The following KCNQ1 variants were observed in gnomAD, a reference collection of about 807,000 sequenced individuals.
KCNQ1 encodes the protein potassium voltage-gated channel subfamily Q member 1.
A neutral mutation model predicts 72.4 loss-of-function variants in KCNQ1; 49 were observed. The observed-to-expected ratio is 0.68, with a 90% CI of 0.54 to 0.86. The LOEUF is 0.86. Among genes scored for constraint, KCNQ1 ranks in the 40% least tolerant of loss-of-function variants. KCNQ1 has a pLI of 0.00. For synonymous variants in KCNQ1, 450 were observed against 412.6 expected (o/e 1.09, Z -1.10); for missense variants, 790 against 945.1 (o/e 0.84, Z 2.15).
At chr11:2,638,895 T>G (rs1220375265) in intron 10 of KCNQ1, 2 of 152,206 alleles carry the variant, frequency 1.3e-5, no homozygotes, top group Non-Finnish European at 2.9e-5. Flanking sequence ...CCATATTTCT[T>G]GGAGGCTTTG....
At chr11:2,529,106 A>T (rs78129309) in intron 2 of KCNQ1, among the ~76,000 whole-genome samples, 2,620 of 152,178 alleles carry the variant, frequency 0.017, 81 homozygotes, top group African/African-American at 0.06. Flanking sequence ...TCCCAGCACT[A>T]TGTTTTCCAC....
At chr11:2,802,287 G>C (rs1233535357) in intron 15 of KCNQ1, among the ~76,000 whole-genome samples, 1 of 152,216 alleles carries the variant, frequency 6.6e-6, no homozygotes, top group Non-Finnish European at 1.5e-5. Context: ...GCAGGACAGG[G>C]GTTTAGCCCT....
chr11:2,464,643 G>A lies in KCNQ1; in HGVS notation c.386+19159G>A, dbSNP rs775473984. 1.6e-4 allele frequency among the ~76,000 whole-genome samples: 25 copies of A among 152,098 alleles called. No individual in the cohort carries two copies. Among genetic ancestry groups the A allele is most frequent in the African/African-American group, 7.2e-5 (3 of 41,420 alleles). On this transcript the variant is annotated intron_variant, in intron 1 of 15. Transcript: ENST00000155840. This position sits in a 1 kb window ranked among gnomAD's most constrained non-coding sequence, Gnocchi z 5.0. ...CCTGGGGGACAGGAGTTGGGGGGGT[G>A]GGCAGTGCCTCTGTGTGGCAGATTC...
intron 10 of KCNQ1, chr11:2,640,681 T>C (rs928744204): frequency 2.5e-6 from 1 of 398,420 alleles, no homozygotes; most frequent in Non-Finnish European, 4.4e-6. Flanking sequence ...ATCATCTCTA[T>C]AGTTAGGAAC....
intron 11 of KCNQ1, chr11:2,699,127 C>A: frequency 2.5e-6 from 1 of 398,656 alleles, no homozygotes; most frequent in Non-Finnish European, 4.4e-6. Context: ...GATGCGGATT[C>A]CAGACTCCAA....
chr11:2,733,814 A>ACACACACACACACTCACACACTCTCT, intron 11 of KCNQ1, among the ~76,000 whole-genome samples: 24 of 86,660 alleles, frequency 2.8e-4, no homozygotes, highest in African/African-American at 1.0e-3. Context: ...ACACACACAC[A>ACACACACACACACTCACACACTCTCT]CTCTCTCACT....
In KCNQ1 at chr11:2,585,314, T is replaced by A. The variant is rs750266515; in HGVS notation, c.1128+7T>A. The A allele has an allele frequency of 6.2e-7, 1 of 1,611,530 alleles. No homozygotes were observed. Among genetic ancestry groups the A allele is most frequent in the African/African-American group, 1.3e-5 (1 of 74,908 alleles). On this transcript the variant is annotated splice_region_variant and intron_variant, in intron 8 of 15. Coordinates refer to ENST00000155840, the MANE Select transcript of KCNQ1 (RefSeq NM_000218.3). ...GGCAGCCTCACTCATTCAGGTGCGG[T>A]GCCTGCAAGGCCCTGGTCACTGTCA... is the stretch of plus-strand genomic sequence containing the variant.
At chr11:2,512,810 A>C (rs1228197745) in intron 1 of KCNQ1, among the ~76,000 whole-genome samples, 2 of 152,190 alleles carry the variant, frequency 1.3e-5, no homozygotes, top group Non-Finnish European at 2.9e-5. Context: ...AACCCCACTG[A>C]GGAGGCACCC....
intron 1 of KCNQ1, among the ~76,000 whole-genome samples, chr11:2,511,822 G>T (rs746015782): frequency 3.3e-5 from 5 of 152,194 alleles, no homozygotes; most frequent in Non-Finnish European, 7.3e-5. Flanking sequence ...AGGGGAGGGG[G>T]TGCTTGGCCA....
intron 11 of KCNQ1, among the ~76,000 whole-genome samples, chr11:2,721,482 AG>A (rs1293762258): frequency 2.0e-5 from 3 of 152,258 alleles, no homozygotes; most frequent in African/African-American, 4.8e-5. Flanking sequence ...GGGCAGGTCC[AG>A]GGATGTGTTT....
chr11:2,674,652 A>G lies in KCNQ1; in HGVS notation c.1514+12571A>G. 2.5e-6 allele frequency: 1 copy of G among 398,584 alleles called. No homozygotes were observed. 24.7% of individuals were successfully genotyped at this position (398,584 alleles called of 1,614,324 possible). A position where few individuals can be genotyped will look rare whatever the true frequency, so the allele number is the denominator to read the frequency against. On this transcript the variant is annotated intron_variant, in intron 11 of 15. Transcript: ENST00000155840. This position sits in a 1 kb window ranked among gnomAD's most constrained non-coding sequence, Gnocchi z 5.9. Reference sequence around the variant, plus strand: ...ACATGCCTTTGAATTGGAAAGCCAGAACTTTTTGCAAAATAATTTGAAAAG... The same window carrying G: ...ACATGCCTTTGAATTGGAAAGCCAGGACTTTTTGCAAAATAATTTGAAAAG...
Position 2,651,684 on chromosome 11 carries a change from G to A in KCNQ1, c.1394-10277G>A. 2 of 398,590 alleles carry A rather than the reference G, an allele frequency of 5.0e-6. No individual in the cohort carries two copies. The highest frequency in any genetic ancestry group is 8.8e-5 in the Admixed American group (2 of 22,738). 24.7% of individuals were successfully genotyped at this position (398,590 alleles called of 1,614,324 possible). A position where few individuals can be genotyped will look rare whatever the true frequency, so the allele number is the denominator to read the frequency against. On this transcript the variant is annotated intron_variant, in intron 10 of 15. Transcript: ENST00000155840. The surrounding 1 kb of genome is among the most constrained non-coding windows in gnomAD (Gnocchi z 6.1). ...ACTGACATTAGCCACGTGGCCCTCT[G>A]TTTCCTGTAATAGGCCATTTCCTAA...
chr11:2,622,132 C>T (rs1849183278), intron 10 of KCNQ1: 1 of 398,220 alleles, frequency 2.5e-6, no homozygotes, highest in African/African-American at 2.1e-5. Context: ...TTGACTCTAC[C>T]CATTACTGAA....
At chr11:2,758,737 T>C (rs540322625) in intron 11 of KCNQ1, among the ~76,000 whole-genome samples, 1 of 152,304 alleles carries the variant, frequency 6.6e-6, no homozygotes, top group East Asian at 1.9e-4. Context: ...AGGAACCCAC[T>C]ATCGGTACAA....
At chr11:2,721,830 C>T (rs939102589) in intron 11 of KCNQ1, among the ~76,000 whole-genome samples, 2 of 152,220 alleles carry the variant, frequency 1.3e-5, no homozygotes, top group Non-Finnish European at 2.9e-5. Context: ...GCTGTCTGTC[C>T]ATCCATCCAT....
intron 11 of KCNQ1, chr11:2,680,969 T>G (rs1345657217): frequency 5.0e-6 from 2 of 398,594 alleles, no homozygotes; most frequent in East Asian, 7.1e-5. Context: ...GTTTTCAAGA[T>G]TGCACTGACC....
In KCNQ1 at chr11:2,565,831, G is replaced by A. The variant is rs991628401; in HGVS notation, c.478-4797G>A. ...TCTCAGGGAGGGGCAGAACCCATGGGGTTTGGCTTCCTGACCCTGAACGTC... is the reference window on the plus strand; with the variant it reads ...TCTCAGGGAGGGGCAGAACCCATGGAGTTTGGCTTCCTGACCCTGAACGTC... On this transcript the variant is annotated intron_variant, in intron 2 of 15. Coordinates refer to ENST00000155840, the MANE Select transcript of KCNQ1 (RefSeq NM_000218.3). The surrounding 1 kb of genome is among the most constrained non-coding windows in gnomAD (Gnocchi z 5.6). Among the ~76,000 whole-genome samples the A allele has an allele frequency of 6.6e-6, 1 of 152,352 alleles. No homozygotes were observed. The highest frequency in any genetic ancestry group is 2.1e-4 in the South Asian group (1 of 4,832).
chr11:2,622,428 A>C (rs866468305), intron 10 of KCNQ1: 4 of 398,184 alleles, frequency 1.0e-5, no homozygotes, highest in African/African-American at 6.2e-5. Flanking sequence ...CTTTCAATCT[A>C]CTTGTGTCTT....
At position 2,537,803 on chromosome 11, in the gene KCNQ1, C is replaced by T. The variant is rs1000271437; in HGVS notation, c.477+9785C>T. Among the ~76,000 whole-genome samples, 7 of 152,130 alleles carry T rather than the reference C, an allele frequency of 4.6e-5. No individual in the cohort carries two copies. Among genetic ancestry groups the T allele is most frequent in the Non-Finnish European group, 8.8e-5 (6 of 68,020 alleles). ...GCATACTCACGGCTCACTGCAGCCTCGGCCTCCTGGCCTCAAGTGTTCCCA... is the reference window on the plus strand; with the variant it reads ...GCATACTCACGGCTCACTGCAGCCTTGGCCTCCTGGCCTCAAGTGTTCCCA... On this transcript the variant is annotated intron_variant, in intron 2 of 15. Transcript: ENST00000155840. This position sits in a 1 kb window ranked among gnomAD's most constrained non-coding sequence, Gnocchi z 5.2.
Sources: allele counts gnomAD v4.1 joint callset (sites outside exome capture counted in the v4.1 genomes callset), GRCh38; gene constraint gnomAD v4.1.1; non-coding constraint Gnocchi (gnomAD v3.1); transcripts MANE v1.5; gene names NCBI Gene and HGNC (gene_info 2026-07-23, HGNC 2026-07-21).